The following JMJD1C variants were observed in gnomAD, a reference collection of about 807,000 sequenced individuals.
JMJD1C encodes jumonji domain-containing protein 1C.
Under a neutral mutation model 245.3 loss-of-function variants are expected in JMJD1C, and 31 were observed. The ratio of observed to expected loss-of-function variants is 0.13; its 90% CI spans 0.09 to 0.17. The LOEUF (loss-of-function observed/expected upper bound fraction) is 0.17. Ranked by LOEUF, JMJD1C falls within the 10% of genes least tolerant of loss-of-function variation. The probability of loss-of-function intolerance (pLI) is 1.00; values close to 1 mark genes in which losing one functional copy is unlikely to be tolerated. For synonymous variants in JMJD1C, 1,057 were observed against 1,017.4 expected, an observed-to-expected ratio of 1.04 and a Z score of -0.74; for missense variants, 2,691 against 3,000.2, an observed-to-expected ratio of 0.90 and a Z score of 2.41.
At chr10:63,171,122 C>T (rs1013701250) in intron 24 of JMJD1C, among the ~76,000 whole-genome samples, 3 of 151,648 alleles carry the variant, frequency 2.0e-5, no homozygotes, top group African/African-American at 7.3e-5. Context: ...GATAAATGAC[C>T]AAACACAATC....
intron 1 of JMJD1C, among the ~76,000 whole-genome samples, chr10:63,459,942 CCTCT>C (rs1952668637): frequency 6.6e-6 from 1 of 152,266 alleles, no homozygotes; most frequent in East Asian, 1.9e-4. Flanking sequence ...ATACTATTAA[CCTCT>C]CTATGTCAGC....
intron 22 of JMJD1C, among the ~76,000 whole-genome samples, chr10:63,181,454 T>A (rs952612357): frequency 6.6e-6 from 1 of 152,132 alleles, no homozygotes; most frequent in African/African-American, 2.4e-5. Flanking sequence ...ATACAGAAGT[T>A]TGCCAGGAAG....
chr10:63,173,945 C>T (rs1842636875), intron 24 of JMJD1C, among the ~76,000 whole-genome samples: 1 of 151,802 alleles, frequency 6.6e-6, no homozygotes, highest in Non-Finnish European at 1.5e-5. Context: ...AAAAAGATGC[C>T]CAATGTTTAG....
chr10:63,462,490 A>G (rs1313189497), intron 1 of JMJD1C, among the ~76,000 whole-genome samples: 20 of 152,364 alleles, frequency 1.3e-4, no homozygotes, highest in Admixed American at 9.8e-4. Flanking sequence ...TAACTGTTAC[A>G]TTACATGGCA....
upstream of JMJD1C, among the ~76,000 whole-genome samples, chr10:63,468,406 A>C (rs192216222): frequency 1.5e-3 from 222 of 152,218 alleles, no homozygotes; most frequent in Non-Finnish European, 2.5e-3. Flanking sequence ...GGGTATTTTT[A>C]TTATTTTATT....
chr10:63,274,305 C>T (rs1247814506), intron 2 of JMJD1C, among the ~76,000 whole-genome samples: 1 of 152,188 alleles, frequency 6.6e-6, no homozygotes, highest in Non-Finnish European at 1.5e-5. Context: ...TGGTTCACGC[C>T]TGTAATCCCA....
At position 63,305,377 on chromosome 10, in the gene JMJD1C, C is replaced by CAA. The variant is rs200146505; in HGVS notation, c.334-40615_334-40614dup. Among the ~76,000 whole-genome samples the CAA allele has an allele frequency of 5.5e-5, 6 of 109,624 alleles. 1 individual carries two copies. The highest frequency in any genetic ancestry group is 8.2e-5 in the Non-Finnish European group (4 of 49,048). 71.9% of individuals were successfully genotyped at this position (109,624 alleles called of 152,430 possible). ...GCAAGACTCCACCTCAAAAAAAAAACAAAAAACAAAAAAGGTTGCAGTGAG... is the reference window on the plus strand; with the variant it reads ...GCAAGACTCCACCTCAAAAAAAAAACAAAAAAAACAAAAAAGGTTGCAGTGAG... On this transcript the variant is annotated intron_variant, in intron 2 of 25. Transcript: ENST00000399262.
chr10:63,205,264 G>A lies in JMJD1C; in HGVS notation c.5074+1331C>T, dbSNP rs191368331. On this transcript the variant is annotated intron_variant, in intron 10 of 25. Coordinates refer to ENST00000399262, the MANE Select transcript of JMJD1C (RefSeq NM_032776.3). ...TTTTACCTATTGTTAAGGACTGTTTGAATGAGCAGCATTAAATAGATAGTA... is the reference window on the plus strand; with the variant it reads ...TTTTACCTATTGTTAAGGACTGTTTAAATGAGCAGCATTAAATAGATAGTA... Among the ~76,000 whole-genome samples the A allele has an allele frequency of 5.9e-5, 9 of 152,242 alleles. No homozygotes were observed. In the East Asian group the frequency reaches 1.7e-3, roughly 29 times the overall value.
chr10:63,493,249 C>CTTTTTTTTTTTTTTTT (rs752941477), intron 1 of JMJD1C, among the ~76,000 whole-genome samples: 1 of 49,140 alleles, frequency 2.0e-5, no homozygotes, highest in Admixed American at 3.9e-4. Flanking sequence ...ACTGTTATTT[C>CTTTTTTTTTTTTTTTT]TTTTTTTTTT....
intron 1 of JMJD1C, among the ~76,000 whole-genome samples, chr10:63,517,880 C>A (rs1052386906): frequency 2.0e-5 from 3 of 151,294 alleles, no homozygotes; most frequent in African/African-American, 7.3e-5. Context: ...GCAACCTCCG[C>A]CTCCCAGGTT....
At chr10:63,250,780 AC>A (rs1295213986) in intron 3 of JMJD1C, among the ~76,000 whole-genome samples, 2 of 152,092 alleles carry the variant, frequency 1.3e-5, no homozygotes, top group Non-Finnish European at 2.9e-5. Context: ...TCACTCCGTT[AC>A]CCTGGCTTGA....
At position 63,208,035 on chromosome 10, in the gene JMJD1C, G is replaced by A; in HGVS notation, c.3634C>T (p.Pro1212Ser). Residue 1212 changes from proline to serine, a missense_variant, in exon 10 of 26, where the codon CCA becomes TCA. Transcript: ENST00000399262. ...TTTCTTTCCAGGCTGTGATGGATTG[G>A]TGGGTGAAATACTGGTGCTCTATGT... The part of the protein sequence containing the change: ...ALHRAPVFHP[P>S]IHHSLERKEG... 6.2e-7 allele frequency: 1 copy of A among 1,614,190 alleles called. No individual in the cohort carries two copies. The highest frequency in any genetic ancestry group is 1.1e-5 in the South Asian group (1 of 91,082).
intron 3 of JMJD1C, among the ~76,000 whole-genome samples, chr10:63,256,801 T>C (rs1026488814): frequency 2.0e-5 from 3 of 152,176 alleles, no homozygotes; most frequent in Non-Finnish European, 2.9e-5. Context: ...TGATTTTATG[T>C]CAACAAGGCA....
chr10:63,468,241 T>G (rs923288686), upstream of JMJD1C, among the ~76,000 whole-genome samples: 3 of 152,218 alleles, frequency 2.0e-5, no homozygotes, highest in Non-Finnish European at 4.4e-5. Context: ...CTTCTACTAA[T>G]CCCTTGACTA....
chr10:63,307,922 G>C, intron 2 of JMJD1C, among the ~76,000 whole-genome samples: 1 of 152,112 alleles, frequency 6.6e-6, no homozygotes, highest in South Asian at 2.1e-4. Flanking sequence ...AGCTGAGGCA[G>C]GCGGATCACT....
At chr10:63,335,558 C>A (rs546243441) in intron 2 of JMJD1C, among the ~76,000 whole-genome samples, 1 of 152,288 alleles carries the variant, frequency 6.6e-6, no homozygotes, top group Admixed American at 6.5e-5. Flanking sequence ...GACGCCCAGG[C>A]TGGAGTGCAG....
At chr10:63,186,582 G>C (rs1448630090) in intron 18 of JMJD1C, among the ~76,000 whole-genome samples, 199 bp from the exon 19 acceptor site, 1 of 151,914 alleles carries the variant, frequency 6.6e-6, no homozygotes, top group East Asian at 1.9e-4. Flanking sequence ...ATTAAATTTC[G>C]AGCCTAATGA....
intron 1 of JMJD1C, among the ~76,000 whole-genome samples, chr10:63,433,586 C>CTTTTTTT (rs539696706): frequency 1.2e-5 from 1 of 86,848 alleles, no homozygotes; most frequent in African/African-American, 3.1e-5. Flanking sequence ...CTTTTCTTTT[C>CTTTTTTT]TTTTTTTTTT....
At chr10:63,506,577 T>C (rs907094071) in intron 1 of JMJD1C, among the ~76,000 whole-genome samples, 2 of 152,234 alleles carry the variant, frequency 1.3e-5, no homozygotes, top group African/African-American at 2.4e-5. Context: ...ATCCTTTGCA[T>C]ATTTTTTCTT....
Sources: gnomAD v4.1 joint callset for allele counts (sites outside exome capture counted in the v4.1 genomes callset) on GRCh38, gnomAD v4.1.1 for gene constraint, MANE v1.5 for transcripts, NCBI Gene and HGNC (gene_info 2026-07-23, HGNC 2026-07-21) for gene names.